The following AOPEP variants were observed in gnomAD, a reference collection of about 807,000 sequenced individuals.
AOPEP encodes the protein aminopeptidase O.
Under a neutral mutation model 98.1 loss-of-function variants are expected in AOPEP, and 77 were observed. The observed-to-expected ratio is 0.78, with a 90% CI of 0.65 to 0.95. The LOEUF (loss-of-function observed/expected upper bound fraction) is 0.95. Ranked by LOEUF, AOPEP falls within the 40% of genes least tolerant of loss-of-function variation. AOPEP has a pLI of 0.00. For missense variants in AOPEP, 1,024 were observed against 1,024.7 expected (o/e 1.00, Z 0.01); for synonymous variants, 346 against 365.3 (o/e 0.95, Z 0.60).
chr9:94,799,945 A>C (rs1207879984), intron 4 of AOPEP, among the ~76,000 whole-genome samples: 3 of 152,166 alleles, frequency 2.0e-5, no homozygotes, highest in Non-Finnish European at 4.4e-5. Flanking sequence ...GCAGGTGAAA[A>C]AATGGAGTAC....
At chr9:95,023,883 CAGAA>C (rs2063647104) in intron 13 of AOPEP, among the ~76,000 whole-genome samples, 1 of 152,190 alleles carries the variant, frequency 6.6e-6, no homozygotes, top group Non-Finnish European at 1.5e-5. Flanking sequence ...AAAGGCTTCT[CAGAA>C]AGGCCTTGCT....
At chr9:94,899,879 C>T (rs969229022) in intron 5 of AOPEP, among the ~76,000 whole-genome samples, 1 of 152,190 alleles carries the variant, frequency 6.6e-6, no homozygotes, top group Non-Finnish European at 1.5e-5. Flanking sequence ...AACTTACTGT[C>T]TCTATAATTA....
chr9:94,796,296 C>CT (rs1386432644), intron 4 of AOPEP, among the ~76,000 whole-genome samples: 5 of 152,216 alleles, frequency 3.3e-5, no homozygotes, highest in Non-Finnish European at 2.9e-5. Context: ...GCTTGTCCTT[C>CT]AGGAATATGC....
the AOPEP span, among the ~76,000 whole-genome samples, chr9:95,106,281 A>G: frequency 6.6e-6 from 1 of 152,104 alleles, no homozygotes; most frequent in Non-Finnish European, 1.5e-5. Context: ...ATGTCTGTTC[A>G]AGTCCTTTGC....
At chr9:94,989,392 G>A (rs143887590) in intron 11 of AOPEP, among the ~76,000 whole-genome samples, 15 of 151,886 alleles carry the variant, frequency 9.9e-5, no homozygotes, top group Admixed American at 2.6e-4. Flanking sequence ...GTGGGCCACC[G>A]CGCCCAGCTA....
the AOPEP span, among the ~76,000 whole-genome samples, chr9:95,096,254 G>A: frequency 3.9e-5 from 6 of 152,154 alleles, no homozygotes; most frequent in African/African-American, 4.8e-5. Context: ...TTTACTCGGC[G>A]GGAGATGATG....
intron 14 of AOPEP, among the ~76,000 whole-genome samples, chr9:95,070,643 T>C (rs1247006271): frequency 6.6e-6 from 1 of 152,266 alleles, no homozygotes; most frequent in African/African-American, 2.4e-5. Flanking sequence ...GGCCCAAAGA[T>C]GGCCCAGAGG....
chr9:94,971,402 A>G (rs1723274763), intron 10 of AOPEP, among the ~76,000 whole-genome samples: 1 of 152,174 alleles, frequency 6.6e-6, no homozygotes, highest in African/African-American at 2.4e-5. Context: ...TTGAAATTCA[A>G]AATCTTTTTG....
At chr9:94,996,566 T>C (rs1183778987) in intron 11 of AOPEP, among the ~76,000 whole-genome samples, 1 of 152,150 alleles carries the variant, frequency 6.6e-6, no homozygotes, top group Non-Finnish European at 1.5e-5. Context: ...TCACGTCCCC[T>C]CCTTCAGAGG....
At chr9:95,048,158 G>T (rs2133734007) in intron 13 of AOPEP, among the ~76,000 whole-genome samples, 1 of 151,798 alleles carries the variant, frequency 6.6e-6, no homozygotes, top group East Asian at 1.9e-4. Context: ...CAGCCGGCCA[G>T]GTCTGATGTT....
At chr9:95,076,026 T>C (rs2069024477) in intron 14 of AOPEP, among the ~76,000 whole-genome samples, 1 of 152,250 alleles carries the variant, frequency 6.6e-6, no homozygotes, top group Non-Finnish European at 1.5e-5. Context: ...TCACACCTCT[T>C]CAGGCCAGTG....
At chr9:94,758,299 A>G (rs148633504) in intron 1 of AOPEP, among the ~76,000 whole-genome samples, 27 of 152,242 alleles carry the variant, frequency 1.8e-4, no homozygotes, top group African/African-American at 5.8e-4. Flanking sequence ...CTAGAGGACA[A>G]GGATGCAAGG....
chr9:95,114,473 C>T, the AOPEP span: 14 of 754,186 alleles, frequency 1.9e-5, no homozygotes, highest in Admixed American at 1.7e-4. Context: ...TGCAGCCATG[C>T]GCTTCCTCCA....
chr9:95,149,866 C>T, the AOPEP span: 3 of 1,542,026 alleles, frequency 1.9e-6, no homozygotes, highest in Admixed American at 2.0e-5. Flanking sequence ...CAACACACCA[C>T]AGCCTTCTAA....
the AOPEP span, among the ~76,000 whole-genome samples, chr9:95,117,115 A>G: frequency 2.0e-5 from 3 of 152,132 alleles, no homozygotes; most frequent in Non-Finnish European, 4.4e-5. Flanking sequence ...TCTTTTGGTA[A>G]GTGATCACAA....
rs1382680843 is a variant in AOPEP, at chr9:95,039,403, C to CA, written c.2116-21282dup. 1.3e-3 allele frequency among the ~76,000 whole-genome samples: 200 copies of CA among 150,726 alleles called. 3 individuals carry two copies. Among genetic ancestry groups the CA allele is most frequent in the Admixed American group, 9.4e-3 (142 of 15,108 alleles). ...GCAACATGGTGAAATCCCATCTCTA[C>CA]AAAAAAAAATACTAAAAAATGATGC... On this transcript the variant is annotated intron_variant, in intron 13 of 16. Transcript: ENST00000375315.
intron 11 of AOPEP, chr9:95,004,399 C>G (rs1030257551): frequency 2.7e-5 from 11 of 403,084 alleles, no homozygotes; most frequent in African/African-American, 1.6e-4. Flanking sequence ...TCCACACTCG[C>G]GGGAGCGCGG....
chr9:95,042,155 G>A (rs6479593), intron 13 of AOPEP, among the ~76,000 whole-genome samples: 146,387 of 152,032 alleles, frequency 0.96, 70,512 homozygotes, highest in Middle Eastern at 0.99. Flanking sequence ...CACTAAAAAT[G>A]CAAAAAATTA....
intron 11 of AOPEP, among the ~76,000 whole-genome samples, chr9:94,992,188 A>C (rs1228030276): frequency 6.6e-6 from 1 of 152,200 alleles, no homozygotes; most frequent in Non-Finnish European, 1.5e-5. Flanking sequence ...GTAACTGTCA[A>C]TGATTGTTGA....
Sources: gnomAD v4.1 joint callset for allele counts (sites outside exome capture counted in the v4.1 genomes callset) on GRCh38, gnomAD v4.1.1 for gene constraint, MANE v1.5 for transcripts, NCBI Gene and HGNC (gene_info 2026-07-23, HGNC 2026-07-21) for gene names.